The following DMRTC1 variants were observed in gnomAD, a reference collection of about 807,000 sequenced individuals.
DMRTC1 encodes doublesex- and mab-3-related transcription factor C1.
For missense variants in DMRTC1, 9 were observed against 34.6 expected (o/e 0.26, Z 1.86); for synonymous variants, 7 against 14.1 (o/e 0.50, Z 1.13).
rs1431730189 is a variant in DMRTC1, at chrX:72,880,692, CTTTCTTTTTTT to C, written c.-94-4915_-94-4905del. ...TTGCTTTGCTTTTTCTCTTTTCTTT[CTTTCTTTTTTT>C]TTTTTTTTTTGACGGAGTTTCGCTC... On this transcript the variant is annotated intron_variant, in intron 1 of 6. Transcript: ENST00000615063. 7.3e-3 allele frequency among the ~76,000 whole-genome samples: 38 copies of C among 5,192 alleles called. 7 individuals are homozygous for C. Among genetic ancestry groups the C allele is most frequent in the South Asian group, 0.024 (2 of 84 alleles). The allele number at this position is 5,192 out of a possible 115,157, so 4.5% of individuals were successfully genotyped here.
intron 1 of DMRTC1, among the ~76,000 whole-genome samples, chrX:72,916,578 C>T (rs1277274403): frequency 3.8e-5 from 3 of 79,722 alleles, no homozygotes; most frequent in South Asian, 7.6e-4. Flanking sequence ...GATGGTGCGA[C>T]GTAATGGGGA....
chrX:72,879,792 T>C (rs1161307683), intron 1 of DMRTC1, among the ~76,000 whole-genome samples: 3 of 104,430 alleles, frequency 2.9e-5, no homozygotes, highest in Non-Finnish European at 4.0e-5. Context: ...TTTCTCTTTC[T>C]CCTTCCTTCC....
chrX:72,872,515 G>A lies in DMRTC1; in HGVS notation c.516C>T (p.Pro172=), dbSNP rs2054773769. Residue 172 remains proline (P), a synonymous_variant, in exon 7 of 7, where the codon CCC becomes CCT. Transcript: ENST00000615063. ...GFQPPSPSLR[P]RPASSISLPI... is the part of the protein sequence containing the mutation. ...GCAGCGAGATGGAGCTGGCTGGCCT[G>A]GGGCGGAGAGAGGGGCTGGGAGGCT... is the stretch of plus-strand genomic sequence containing the variant. 8.8e-7 allele frequency: 1 copy of A among 1,141,342 alleles called. No homozygotes were observed. The highest frequency in any genetic ancestry group is 2.1e-5 in the African/African-American group (1 of 48,382). 94.1% of individuals were successfully genotyped at this position (1,141,342 alleles called of 1,213,427 possible).
At chrX:72,911,845 TG>T (rs2054950866) in intron 1 of DMRTC1, among the ~76,000 whole-genome samples, 1 of 82,282 alleles carries the variant, frequency 1.2e-5, no homozygotes, top group African/African-American at 4.7e-5. Flanking sequence ...TTTGTCAGTT[TG>T]TTTTTGAGAC....
intron 1 of DMRTC1, among the ~76,000 whole-genome samples, chrX:72,905,788 C>T (rs1359030613): frequency 1.1e-4 from 10 of 89,365 alleles, no homozygotes; most frequent in African/African-American, 3.6e-4. Context: ...GCGTGAGTCA[C>T]GGCGCCTGGA....
At chrX:72,886,708 G>A (rs375682826) in intron 1 of DMRTC1, among the ~76,000 whole-genome samples, 5 of 41,538 alleles carry the variant, frequency 1.2e-4, no homozygotes, top group East Asian at 7.0e-4. Flanking sequence ...GGATTTCTTC[G>A]TTTATTTGAG....
At chrX:72,913,207 C>T in intron 1 of DMRTC1, 1 of 832,865 alleles carries the variant, frequency 1.2e-6, no homozygotes, top group Non-Finnish European at 1.7e-6. Flanking sequence ...CAGAAATCCC[C>T]AGGGCTCCCG....
intron 1 of DMRTC1, among the ~76,000 whole-genome samples, chrX:72,879,827 T>TCCCA (rs2054838148): frequency 2.4e-5 from 1 of 40,845 alleles, no homozygotes; most frequent in Admixed American, 2.8e-4. Flanking sequence ...CTTCCCTCCC[T>TCCCA]CCCACCCTTC....
intron 4 of DMRTC1, 133 bp downstream of exon 4, chrX:72,874,692 C>T: frequency 3.3e-6 from 3 of 905,691 alleles, no homozygotes; most frequent in Non-Finnish European, 2.9e-6. Flanking sequence ...CCTCCTCCTC[C>T]TCCTCCTGCT....
intron 4 of DMRTC1, 76 bp downstream of exon 4, chrX:72,874,749 C>T (rs1189884849): frequency 4.6e-6 from 1 of 217,776 alleles, no homozygotes; most frequent in Non-Finnish European, 6.9e-6. Context: ...CCTCTTCCTC[C>T]TCCATCTCCC....
At chrX:72,874,649 CCTT>C (rs1433296488) in intron 4 of DMRTC1, among the ~76,000 whole-genome samples, 173 bp downstream of exon 4, 2 of 103,704 alleles carry the variant, frequency 1.9e-5, no homozygotes, top group African/African-American at 7.2e-5. Context: ...TTGCCCTCCT[CCTT>C]CTTCTCCTCC....
rs1370805463 is a variant in DMRTC1, at chrX:72,913,486, G to A, written c.-95+30089C>T. The A allele has an allele frequency of 2.6e-4, 109 of 421,960 alleles. No homozygotes were observed. In the East Asian group the frequency reaches 4.0e-3, roughly 15 times the overall value. The allele number at this position is 421,960 out of a possible 1,213,427, so 34.8% of individuals were successfully genotyped here. ...TTTGGTGGTGGTGGGGTTGTGAAGG[G>A]AGAGAGCTAGCATCTTCCTTAGCCC... On this transcript the variant is annotated intron_variant, in intron 1 of 6. Transcript: ENST00000615063.
At chrX:72,879,356 T>TTTCCC (rs202023303) in intron 1 of DMRTC1, among the ~76,000 whole-genome samples, 6,201 of 16,562 alleles carry the variant, frequency 0.37, 1,476 homozygotes, top group Non-Finnish European at 0.49. Context: ...TTTGCTTTCC[T>TTTCCC]TTCCCTTCCC....
intron 6 of DMRTC1, 144 bp from the exon 7 acceptor site, chrX:72,872,708 A>G (rs1422812860): frequency 6.6e-5 from 29 of 439,685 alleles, no homozygotes; most frequent in Non-Finnish European, 1.2e-4. Flanking sequence ...CCCATCTCCC[A>G]TCTTGCCTCC....
intron 1 of DMRTC1, among the ~76,000 whole-genome samples, chrX:72,916,595 T>C (rs1432442112): frequency 1.3e-5 from 1 of 75,469 alleles, no homozygotes; most frequent in Non-Finnish European, 2.2e-5. Context: ...GGGAAAAAAC[T>C]GCATCTGTCG....
intron 4 of DMRTC1, 108 bp downstream of exon 4, chrX:72,874,717 A>ACCACCT: frequency 6.6e-6 from 1 of 151,532 alleles, no homozygotes; most frequent in Non-Finnish European, 9.3e-6. Flanking sequence ...CTCCCCCTCC[A>ACCACCT]CCACCTCCTC....
chrX:72,905,662 C>T (rs1343328772), intron 1 of DMRTC1, among the ~76,000 whole-genome samples: 16 of 59,993 alleles, frequency 2.7e-4, no homozygotes, highest in Non-Finnish European at 3.5e-4. Flanking sequence ...CGCCCACGCC[C>T]GGCTAATTTT....
chrX:72,916,373 C>T lies in DMRTC1; in HGVS notation c.-95+27202G>A, dbSNP rs1415326946. 7.5e-3 allele frequency among the ~76,000 whole-genome samples: 805 copies of T among 107,661 alleles called. 1 individual carries two copies. Among genetic ancestry groups the T allele is most frequent in the Non-Finnish European group, 0.012 (623 of 53,000 alleles). 93.5% of individuals were successfully genotyped at this position (107,661 alleles called of 115,157 possible). A position where few individuals can be genotyped will look rare whatever the true frequency, so the allele number is the denominator to read the frequency against. The stretch of plus-strand genomic sequence containing the variant: ...TCACCAACTACAAATCTAGGGGGTC[C>T]TATTGAACTGTGAGTTACAGCCCAT... On this transcript the variant is annotated intron_variant, in intron 1 of 6. Coordinates refer to ENST00000615063, the MANE Select transcript of DMRTC1 (RefSeq NM_033053.3).
In DMRTC1 at chrX:72,902,896, A is replaced by C. The variant is rs1399531663; in HGVS notation, c.-94-27108T>G. On this transcript the variant is annotated intron_variant, in intron 1 of 6. Transcript: ENST00000615063. ...ATTCTATGAGTGTTTTCCTGATACC[A>C]AAACCAGACAAAGACACACACACAC... Among the ~76,000 whole-genome samples, 3 of 60,113 alleles carry C rather than the reference A, an allele frequency of 5.0e-5. No individual in the cohort carries two copies. In the South Asian group the frequency reaches 2.6e-3, roughly 51 times the overall value. The allele number at this position is 60,113 out of a possible 115,157, so 52.2% of individuals were successfully genotyped here.
Sources: gnomAD v4.1 joint callset for allele counts (sites outside exome capture counted in the v4.1 genomes callset) on GRCh38, gnomAD v4.1.1 for gene constraint, MANE v1.5 for transcripts, NCBI Gene and HGNC (gene_info 2026-07-23, HGNC 2026-07-21) for gene names.